The following FAAH2 variants were observed in gnomAD, a reference collection of about 807,000 sequenced individuals.
The protein encoded by FAAH2 is fatty acid amide hydrolase 2.
FAAH2 carries 60 observed loss-of-function variants against 36.9 expected under a neutral mutation model. The observed-to-expected ratio is 1.63, with a 90% CI of 1.32 to 2.02. FAAH2 has a LOEUF of 2.02. Ranked by LOEUF, FAAH2 falls within the 30% of genes most tolerant of loss-of-function variation. The probability of loss-of-function intolerance (pLI) is 0.00; values close to 1 mark genes in which losing one functional copy is unlikely to be tolerated. For synonymous variants in FAAH2, 214 were observed against 143.8 expected, an observed-to-expected ratio of 1.49 and a Z score of -3.49; for missense variants, 689 against 397.5, an observed-to-expected ratio of 1.73 and a Z score of -6.23.
intron 3 of FAAH2, among the ~76,000 whole-genome samples, chrX:57,328,267 G>C (rs1417589891): frequency 1.8e-5 from 2 of 111,744 alleles, no homozygotes; most frequent in Non-Finnish European, 3.8e-5. Context: ...GTGCCTCCCA[G>C]TTAGGGTACT....
chrX:57,311,676 C>G (rs1050436967), intron 3 of FAAH2, among the ~76,000 whole-genome samples: 2 of 112,379 alleles, frequency 1.8e-5, no homozygotes, highest in Non-Finnish European at 3.8e-5. Context: ...TGCATCTGCT[C>G]TGCAAGCTTT....
the FAAH2 span, among the ~76,000 whole-genome samples, chrX:57,212,532 C>A: frequency 2.7e-5 from 3 of 111,780 alleles, no homozygotes; most frequent in Non-Finnish European, 1.9e-5. Context: ...AAAAATAAAA[C>A]AAAACTTCTG....
intron 5 of FAAH2, among the ~76,000 whole-genome samples, chrX:57,375,954 T>A (rs1353459903): frequency 1.8e-5 from 2 of 111,819 alleles, no homozygotes; most frequent in African/African-American, 6.5e-5. Context: ...TATATATATA[T>A]TGAGTTATGT....
chrX:57,277,605 T>A, the FAAH2 span, among the ~76,000 whole-genome samples: 1 of 111,813 alleles, frequency 8.9e-6, no homozygotes, highest in South Asian at 3.7e-4. Flanking sequence ...ATAAAGGGTA[T>A]TCAATTAGGA....
chrX:57,332,151 T>C (rs1439865952), intron 4 of FAAH2, among the ~76,000 whole-genome samples: 2 of 112,540 alleles, frequency 1.8e-5, no homozygotes, highest in African/African-American at 6.5e-5. Flanking sequence ...TGGATGCATA[T>C]GTGGGTTAGC....
intron 5 of FAAH2, among the ~76,000 whole-genome samples, chrX:57,375,486 C>G (rs1209474051): frequency 9.3e-6 from 1 of 107,967 alleles, no homozygotes. Context: ...TTTTCCATCT[C>G]CTCTATGTTT....
the FAAH2 span, among the ~76,000 whole-genome samples, chrX:57,184,915 A>G: frequency 8.9e-6 from 1 of 111,792 alleles, no homozygotes; most frequent in African/African-American, 3.3e-5. Context: ...ACAAAACAAG[A>G]TTGTGACATG....
chrX:57,179,665 T>C, the FAAH2 span, among the ~76,000 whole-genome samples: 1 of 111,498 alleles, frequency 9.0e-6, no homozygotes, highest in African/African-American at 3.3e-5. Flanking sequence ...CATACAATAA[T>C]AGTGGGAGTC....
At chrX:57,130,093 T>A in the FAAH2 span, among the ~76,000 whole-genome samples, 3 of 112,304 alleles carry the variant, frequency 2.7e-5, 1 homozygote, top group South Asian at 7.4e-4. Flanking sequence ...AAACTTCATA[T>A]CATTCCACCT....
At chrX:57,356,596 A>G (rs1487860071) in intron 5 of FAAH2, among the ~76,000 whole-genome samples, 1 of 110,139 alleles carries the variant, frequency 9.1e-6, no homozygotes, top group Non-Finnish European at 1.9e-5. Flanking sequence ...ATCATTTATA[A>G]TGTCCGCTCT....
intron 5 of FAAH2, among the ~76,000 whole-genome samples, chrX:57,344,405 G>A (rs2053766537): frequency 9.0e-6 from 1 of 111,119 alleles, no homozygotes; most frequent in African/African-American, 3.3e-5. Flanking sequence ...GGCTTACCAA[G>A]AATATTATTG....
At chrX:57,481,594 C>T (rs1014473122) in intron 10 of FAAH2, among the ~76,000 whole-genome samples, 3 of 111,995 alleles carry the variant, frequency 2.7e-5, no homozygotes, top group African/African-American at 6.5e-5. Flanking sequence ...AATATTGCTG[C>T]CTGCTCCTTC....
chrX:57,182,200 C>G, the FAAH2 span, among the ~76,000 whole-genome samples: 1 of 112,187 alleles, frequency 8.9e-6, no homozygotes, highest in African/African-American at 3.2e-5. Flanking sequence ...AATGAAGATG[C>G]TGAAAGCAAT....
At chrX:57,163,176 G>A in the FAAH2 span, among the ~76,000 whole-genome samples, 3 of 112,069 alleles carry the variant, frequency 2.7e-5, no homozygotes, top group Non-Finnish European at 5.6e-5. Context: ...GCTGCTTGGG[G>A]GTCAGGGGTC....
At chrX:57,395,708 G>T (rs1320135789) in intron 7 of FAAH2, among the ~76,000 whole-genome samples, 1 of 111,508 alleles carries the variant, frequency 9.0e-6, no homozygotes, top group Non-Finnish European at 1.9e-5. Flanking sequence ...TGAATCTCTG[G>T]TATCAAACCC....
the FAAH2 span, among the ~76,000 whole-genome samples, chrX:57,155,820 C>T: frequency 8.9e-6 from 1 of 111,992 alleles, no homozygotes. Context: ...GACATAGCTT[C>T]CCTGGGGACC....
the FAAH2 span, among the ~76,000 whole-genome samples, chrX:57,168,518 C>A: frequency 8.9e-6 from 1 of 111,938 alleles, no homozygotes; most frequent in Admixed American, 9.5e-5. Context: ...TAACCTTCTC[C>A]TTTGGCTTAA....
intron 7 of FAAH2, among the ~76,000 whole-genome samples, chrX:57,387,105 C>T (rs1213259061): frequency 1.8e-5 from 2 of 111,441 alleles, no homozygotes; most frequent in Non-Finnish European, 3.8e-5. Context: ...TTCCAGAAAG[C>T]ATTTTATAAA....
At chrX:57,307,387 G>C (rs2052572772) in intron 2 of FAAH2, among the ~76,000 whole-genome samples, 2 of 110,101 alleles carry the variant, frequency 1.8e-5, no homozygotes, top group Non-Finnish European at 3.8e-5. Flanking sequence ...ATACAGAAAG[G>C]TTAAGTTAAG....
Sources: allele counts gnomAD v4.1 joint callset (sites outside exome capture counted in the v4.1 genomes callset), GRCh38; gene constraint gnomAD v4.1.1; transcripts MANE v1.5; gene names NCBI Gene and HGNC (gene_info 2026-07-23, HGNC 2026-07-21).